Variants in ANKFN1 observed in about 807,000 individuals in gnomAD.
ANKFN1 encodes the protein ankyrin repeat and fibronectin type-III domain-containing protein 1.
In ANKFN1, 74 loss-of-function variants were observed where a neutral mutation model predicts 108.7. The observed-to-expected ratio is 0.68, with a 90% confidence interval of 0.56 to 0.83. ANKFN1 has a LOEUF of 0.83. ANKFN1 is among the 40% of genes least tolerant of loss of function. The pLI, the probability that ANKFN1 is intolerant of heterozygous loss-of-function variation, is 0.00. For synonymous variants in ANKFN1, 547 were observed against 516.2 expected (o/e 1.06, Z -0.81); for missense variants, 1,505 against 1,382.3 (o/e 1.09, Z -1.41).
chr17:56,297,936 G>A (rs1010719197), intron 3 of ANKFN1, among the ~76,000 whole-genome samples: 1 of 152,122 alleles, frequency 6.6e-6, no homozygotes, highest in Non-Finnish European at 1.5e-5. Flanking sequence ...AATTTTAATG[G>A]CTTGGGGGGA....
chr17:56,286,420 TG>T (rs1394048494), intron 3 of ANKFN1, among the ~76,000 whole-genome samples: 2 of 152,202 alleles, frequency 1.3e-5, no homozygotes, highest in African/African-American at 4.8e-5. Flanking sequence ...TCATGATGCC[TG>T]GGGCCTAAGG....
intron 6 of ANKFN1, chr17:56,367,996 C>A: frequency 4.0e-6 from 1 of 252,660 alleles, no homozygotes; most frequent in Non-Finnish European, 7.9e-6. Context: ...ATGAATAAGT[C>A]ATCCCATCTC....
intron 4 of ANKFN1, among the ~76,000 whole-genome samples, chr17:56,088,860 G>T (rs887995785): frequency 4.6e-5 from 7 of 151,280 alleles, no homozygotes; most frequent in Non-Finnish European, 8.9e-5. Flanking sequence ...AGCTTCTTTA[G>T]CATCTCTTGT....
intron 3 of ANKFN1, among the ~76,000 whole-genome samples, chr17:56,272,160 G>C (rs1377352787): frequency 6.6e-6 from 1 of 152,086 alleles, no homozygotes. Context: ...AATACCTTTA[G>C]AAAGTACTAT....
chr17:56,130,602 G>C, intron 4 of ANKFN1, among the ~76,000 whole-genome samples: 1 of 151,696 alleles, frequency 6.6e-6, no homozygotes, highest in East Asian at 1.9e-4. Flanking sequence ...TTTCTTTATT[G>C]ACTTCTCCCT....
At chr17:56,189,122 A>T (rs1912588455) in intron 1 of ANKFN1, among the ~76,000 whole-genome samples, 1 of 142,972 alleles carries the variant, frequency 7.0e-6, no homozygotes, top group Non-Finnish European at 1.5e-5. Flanking sequence ...CCTGAGTTGT[A>T]TTCTTTATAA....
intron 8 of ANKFN1, among the ~76,000 whole-genome samples, chr17:56,404,939 T>G (rs1179673000): frequency 3.3e-5 from 5 of 152,240 alleles, no homozygotes; most frequent in South Asian, 2.1e-4. Flanking sequence ...CTTCTGGGTC[T>G]AGCAACCCAG....
chr17:56,243,374 A>C (rs1441602032), intron 3 of ANKFN1, among the ~76,000 whole-genome samples: 2 of 152,038 alleles, frequency 1.3e-5, no homozygotes, highest in Non-Finnish European at 2.9e-5. Flanking sequence ...TGATATTGGG[A>C]ATATCCAAGA....
chr17:56,495,351 C>T (rs1961761054), intron 19 of ANKFN1, among the ~76,000 whole-genome samples: 1 of 152,040 alleles, frequency 6.6e-6, no homozygotes, highest in Non-Finnish European at 1.5e-5. Context: ...CACTCACTCA[C>T]TCTGTCTCTC....
intron 4 of ANKFN1, among the ~76,000 whole-genome samples, chr17:56,109,149 C>G (rs749729389): frequency 9.9e-5 from 15 of 152,190 alleles, no homozygotes; most frequent in Non-Finnish European, 1.9e-4. Flanking sequence ...GCATCTACCA[C>G]TGTATTTATC....
chr17:56,313,142 G>T (rs2045092488), intron 3 of ANKFN1, among the ~76,000 whole-genome samples: 1 of 135,444 alleles, frequency 7.4e-6, no homozygotes, highest in Non-Finnish European at 1.5e-5. Flanking sequence ...AACAGAGCGA[G>T]AATCCAACTC....
In ANKFN1 at chr17:56,389,018, A is replaced by T. The variant is rs951408601; in HGVS notation, c.910+14304A>T. 5.9e-4 allele frequency among the ~76,000 whole-genome samples: 90 copies of T among 152,220 alleles called. 1 individual carries two copies. The highest frequency in any genetic ancestry group is 9.0e-4 in the Non-Finnish European group (61 of 68,000). ...ACTGTTTGGCAATTTCAAAAAAAAA[A>T]AAAAAAACTAAACATGCAACTACCA... is the stretch of plus-strand genomic sequence containing the variant. On this transcript the variant is annotated intron_variant, in intron 8 of 20. Transcript: ENST00000682825.
At chr17:56,392,918 A>C (rs1479088689) in intron 8 of ANKFN1, among the ~76,000 whole-genome samples, 2 of 152,108 alleles carry the variant, frequency 1.3e-5, no homozygotes, top group East Asian at 3.9e-4. Context: ...AAGCTCCCTG[A>C]TGACTTTCCA....
At chr17:56,273,109 C>G (rs2043833654) in intron 3 of ANKFN1, among the ~76,000 whole-genome samples, 1 of 152,186 alleles carries the variant, frequency 6.6e-6, no homozygotes, top group Admixed American at 6.5e-5. Flanking sequence ...CACTCCGAAT[C>G]TCTCTAAAAA....
At chr17:56,473,591 A>T (rs1377993656) in intron 15 of ANKFN1, 1 of 148,678 alleles carries the variant, frequency 6.7e-6, no homozygotes. Context: ...TGAACCCAGG[A>T]GACAGAGAAT....
At chr17:56,416,645 G>A (rs1301122378) in intron 8 of ANKFN1, among the ~76,000 whole-genome samples, 1 of 152,174 alleles carries the variant, frequency 6.6e-6, no homozygotes, top group Non-Finnish European at 1.5e-5. Context: ...AGAACAATTT[G>A]GAGATTTCTC....
In ANKFN1 at chr17:56,372,770, G is replaced by C; in HGVS notation, c.726G>C (p.Glu242Asp). Reference sequence around the variant, plus strand: ...TCACTCTGGACAACACAGAGAAAGAGAAGCAGCTGAAAGCTTGGGAGTGGA... The same window carrying C: ...TCACTCTGGACAACACAGAGAAAGACAAGCAGCTGAAAGCTTGGGAGTGGA... ...EGFTLDNTEK[E>D]KQLKAWEWRY... Residue 242 changes from glutamate (E) to aspartate (D), a missense_variant, in exon 7 of 21, where the codon GAG becomes GAC. Physicochemically the swap from Glu to Asp is conservative, Grantham distance 45. Transcript: ENST00000682825. 1 of 1,614,040 alleles carries C rather than the reference G, an allele frequency of 6.2e-7. No individual in the cohort carries two copies. Among genetic ancestry groups the C allele is most frequent in the Non-Finnish European group, 8.5e-7 (1 of 1,179,974 alleles).
chr17:56,186,624 C>T (rs1041304450), intron 1 of ANKFN1, among the ~76,000 whole-genome samples: 14 of 152,316 alleles, frequency 9.2e-5, no homozygotes, highest in African/African-American at 1.2e-4. Flanking sequence ...AATGACTTAT[C>T]CCCTGGCTCC....
chr17:56,049,944 C>A (rs1194133792), intron 4 of ANKFN1, among the ~76,000 whole-genome samples: 1 of 152,104 alleles, frequency 6.6e-6, no homozygotes, highest in Non-Finnish European at 1.5e-5. Context: ...ATTTCTAGTT[C>A]TAGATTTCTG....
Sources: gnomAD v4.1 joint callset for allele counts (sites outside exome capture counted in the v4.1 genomes callset) on GRCh38, gnomAD v4.1.1 for gene constraint, MANE v1.5 for transcripts, NCBI Gene and HGNC (gene_info 2026-07-23, HGNC 2026-07-21) for gene names.